FAR2: variants seen among roughly 807,000 people sequenced by gnomAD.
FAR2 encodes the protein epididymis secretory protein Li 81.
Under a neutral mutation model 56.0 loss-of-function variants are expected in FAR2, and 19 were observed. That is an observed-to-expected ratio of 0.34 (90% CI 0.24 to 0.50). The LOEUF (loss-of-function observed/expected upper bound fraction) is 0.50. Ranked by LOEUF, FAR2 falls within the 20% of genes least tolerant of loss-of-function variation. The pLI is 0.98. For synonymous variants in FAR2, 219 were observed against 218.8 expected (o/e 1.00, Z -0.01); for missense variants, 508 against 642.2 (o/e 0.79, Z 2.26).
Position 29,311,899 on chromosome 12 carries a change from G to C in FAR2, c.904G>C (p.Val302Leu), listed in dbSNP as rs1591959098. The C allele has an allele frequency of 6.2e-7, 1 of 1,609,672 alleles. No individual in the cohort carries two copies. Among genetic ancestry groups the C allele is most frequent in the Non-Finnish European group, 8.5e-7 (1 of 1,177,686 alleles). ...ATTTTCCAGACCTAAGTCAACATTAGTCTACCACATTACATCTGGTAACAT... is the reference window on the plus strand; with the variant it reads ...ATTTTCCAGACCTAAGTCAACATTACTCTACCACATTACATCTGGTAACAT... ...TAVHRPKSTL[V>L]YHITSGNMNP... Residue 302 changes from valine to leucine, a missense_variant, in exon 8 of 12, where the codon GTC (valine) becomes CTC (leucine). By Grantham distance (32) the Val-to-Leu change is conservative (BLOSUM62 1). Transcript: ENST00000536681.
rs186785738 is a variant in FAR2 at position 29,304,743 on chromosome 12, A to T, written c.546-2915A>T. Among the ~76,000 whole-genome samples, 670 of 152,348 alleles carry T rather than the reference A, an allele frequency of 4.4e-3. 6 individuals carry two copies. The highest frequency in any genetic ancestry group is 0.015 in the African/African-American group (636 of 41,582). On this transcript the variant is annotated intron_variant, in intron 4 of 11. Transcript: ENST00000536681. ...TGTGTATATGTGAACACACATAGACATATACATACTGCTTTCTGAAATTTT... is the reference window on the plus strand; with the variant it reads ...TGTGTATATGTGAACACACATAGACTTATACATACTGCTTTCTGAAATTTT...
chr12:29,209,300 A>T (rs935975179), intron 1 of FAR2, among the ~76,000 whole-genome samples: 2 of 152,180 alleles, frequency 1.3e-5, no homozygotes, highest in African/African-American at 4.8e-5. Flanking sequence ...TCCTATGCTT[A>T]AAGTCTTCTC....
chr12:29,220,966 G>A (rs10843346), intron 1 of FAR2, among the ~76,000 whole-genome samples: 60,813 of 151,834 alleles, frequency 0.4, 13,781 homozygotes, highest in Admixed American at 0.54. Flanking sequence ...TTCCCTTGGG[G>A]CAGGCTGTCC....
intron 6 of FAR2, chr12:29,309,956 GA>G (rs1479102326): frequency 1.3e-5 from 2 of 152,164 alleles, no homozygotes; most frequent in Non-Finnish European, 2.9e-5. Context: ...TTTTATTAGG[GA>G]TTTAGACTGC....
At chr12:29,225,820 T>G (rs1045825239) in intron 1 of FAR2, among the ~76,000 whole-genome samples, 1 of 152,264 alleles carries the variant, frequency 6.6e-6, no homozygotes, top group African/African-American at 2.4e-5. Context: ...CAAAAATGAT[T>G]GCAGCTTTCT....
At chr12:29,301,433 T>G (rs182939442) in intron 4 of FAR2, among the ~76,000 whole-genome samples, 1 of 152,338 alleles carries the variant, frequency 6.6e-6, no homozygotes, top group Admixed American at 6.5e-5. Context: ...AAATTCCAGT[T>G]TTCCAGAATA....
chr12:29,178,843 C>CT (rs1350786169), intron 1 of FAR2, among the ~76,000 whole-genome samples: 2 of 152,168 alleles, frequency 1.3e-5, no homozygotes, highest in African/African-American at 4.8e-5. Context: ...GCTAGGGCTG[C>CT]TACAGCAAGA....
At chr12:29,219,009 G>A (rs886407094) in intron 1 of FAR2, among the ~76,000 whole-genome samples, 2 of 152,012 alleles carry the variant, frequency 1.3e-5, no homozygotes, top group Admixed American at 6.6e-5. Flanking sequence ...TTTCCTCAGC[G>A]TCTTGAGTAG....
intron 1 of FAR2, among the ~76,000 whole-genome samples, chr12:29,150,963 C>A (rs1949677290): frequency 6.6e-6 from 1 of 152,088 alleles, no homozygotes; most frequent in Non-Finnish European, 1.5e-5. Flanking sequence ...AATGTGACAT[C>A]CAGTTACAGA....
intron 4 of FAR2, among the ~76,000 whole-genome samples, chr12:29,302,236 GAAAA>G (rs57752714): frequency 0.047 from 4,369 of 92,928 alleles, 65 homozygotes; most frequent in South Asian, 0.06. Flanking sequence ...CATCTCAAAG[GAAAA>G]AAAAAAAAAA....
intron 1 of FAR2, among the ~76,000 whole-genome samples, chr12:29,245,520 C>T (rs1948114202): frequency 6.6e-6 from 1 of 152,130 alleles, no homozygotes; most frequent in Non-Finnish European, 1.5e-5. Context: ...AAGTAAACTT[C>T]CCAGATGGTT....
intron 1 of FAR2, among the ~76,000 whole-genome samples, chr12:29,266,435 G>A (rs1352044941): frequency 1.3e-5 from 2 of 152,112 alleles, no homozygotes; most frequent in African/African-American, 4.8e-5. Context: ...TCACTTATTT[G>A]TAGGAACTAA....
At chr12:29,257,887 C>G (rs1168666122) in intron 1 of FAR2, among the ~76,000 whole-genome samples, 1 of 152,184 alleles carries the variant, frequency 6.6e-6, no homozygotes, top group Non-Finnish European at 1.5e-5. Context: ...CAATTCCGGC[C>G]ACAGGATTAC....
intron 1 of FAR2, among the ~76,000 whole-genome samples, chr12:29,173,028 A>G (rs1949903363): frequency 6.6e-6 from 1 of 152,192 alleles, no homozygotes; most frequent in Admixed American, 6.5e-5. Flanking sequence ...GGCTGCAGCT[A>G]AAGCTGCATT....
At chr12:29,190,111 C>T (rs897562748) in intron 1 of FAR2, among the ~76,000 whole-genome samples, 3 of 152,130 alleles carry the variant, frequency 2.0e-5, no homozygotes, top group Admixed American at 1.3e-4. Context: ...GGGGAGGATA[C>T]AGACATCAAA....
intron 1 of FAR2, among the ~76,000 whole-genome samples, chr12:29,256,684 C>G (rs184136363): frequency 6.6e-6 from 1 of 152,296 alleles, no homozygotes; most frequent in Non-Finnish European, 1.5e-5. Context: ...GTGGCACTTG[C>G]GGGCCAGCTG....
Position 29,237,573 on chromosome 12 carries a change from C to T in FAR2, c.-38-32839C>T, listed in dbSNP as rs73079510. 5.8e-3 allele frequency among the ~76,000 whole-genome samples: 880 copies of T among 152,284 alleles called. 10 individuals are homozygous for T. The highest frequency in any genetic ancestry group is 0.034 in the Middle Eastern group (10 of 294). On this transcript the variant is annotated intron_variant, in intron 1 of 11. Coordinates refer to ENST00000536681, the MANE Select transcript of FAR2 (RefSeq NM_001271783.2). ...CTGCATTCCTAAGTAGGATGGTTGT[C>T]TCAAAGAAAACACTTGTGTGATTGA...
intron 2 of FAR2, among the ~76,000 whole-genome samples, chr12:29,273,054 T>C (rs1422852257): frequency 6.6e-6 from 1 of 152,178 alleles, no homozygotes; most frequent in African/African-American, 2.4e-5. Context: ...GGCACCAGCC[T>C]GATGCCAGTA....
intron 1 of FAR2, among the ~76,000 whole-genome samples, chr12:29,238,019 T>C (rs764485047): frequency 2.4e-4 from 36 of 152,178 alleles, no homozygotes; most frequent in Non-Finnish European, 4.7e-4. Flanking sequence ...ATGAGCAAGA[T>C]AGGCCACTGG....
Sources: gnomAD v4.1 joint callset for allele counts (sites outside exome capture counted in the v4.1 genomes callset) on GRCh38, gnomAD v4.1.1 for gene constraint, MANE v1.5 for transcripts, NCBI Gene and HGNC (gene_info 2026-07-23, HGNC 2026-07-21) for gene names.